The following USP24 variants were observed in gnomAD, a reference collection of about 807,000 sequenced individuals.
USP24 encodes the protein ubiquitin carboxyl-terminal hydrolase 24.
A neutral mutation model predicts 361.6 loss-of-function variants in USP24; 97 were observed. The observed-to-expected ratio is 0.27, with a 90% CI of 0.23 to 0.32. The LOEUF (loss-of-function observed/expected upper bound fraction) is 0.32. Ranked by LOEUF, USP24 falls within the 10% of genes least tolerant of loss-of-function variation. The pLI, the probability that USP24 is intolerant of heterozygous loss-of-function variation, is 1.00. For synonymous variants in USP24, 1,098 were observed against 1,124.6 expected, an observed-to-expected ratio of 0.98 and a Z score of 0.47; for missense variants, 2,353 against 3,165.6, an observed-to-expected ratio of 0.74 and a Z score of 6.16.
At chr1:55,177,938 C>T (rs1245537108) in intron 2 of USP24, 29 bp downstream of exon 2, 3 of 1,540,012 alleles carry the variant, frequency 1.9e-6, no homozygotes, top group Non-Finnish European at 2.6e-6. Flanking sequence ...AACAAATGTC[C>T]TCATGTGTTC....
At chr1:55,099,718 C>A in intron 45 of USP24, 53 bp downstream of exon 45, 2 of 1,292,526 alleles carry the variant, frequency 1.5e-6, no homozygotes, top group South Asian at 2.6e-5. Context: ...ACACTATTCT[C>A]ATACTATAAT....
At chr1:55,156,353 A>G (rs545850360) in intron 12 of USP24, among the ~76,000 whole-genome samples, 3 of 152,150 alleles carry the variant, frequency 2.0e-5, no homozygotes, top group Non-Finnish European at 2.9e-5. Flanking sequence ...AAACCAATAC[A>G]GTGAGAAAAG....
chr1:55,132,667 A>G lies in USP24; in HGVS notation c.3415T>C (p.Ser1139Pro). 4 of 1,613,606 alleles carry G rather than the reference A, an allele frequency of 2.5e-6. No individual in the cohort carries two copies. The highest frequency in any genetic ancestry group is 3.4e-6 in the Non-Finnish European group (4 of 1,179,716). The change falls in exon 31 of 68, where the codon TCA becomes CCA. Residue 1139 changes from serine to proline, a missense_variant. By Grantham distance (74) the Ser-to-Pro change is moderately conservative. This residue lies in a region of USP24 where 949 missense variants were observed against 1,280.5 expected (regional missense o/e 0.74). Coordinates refer to ENST00000294383, the MANE Select transcript of USP24 (RefSeq NM_015306.3). ...TLLSESSSQSSKSPSLSSKQQ... is the reference protein window; with the variant it reads ...TLLSESSSQSPKSPSLSSKQQ... ...TTTGATGACAGGGATGGAGATTTTGAGGACTGAGAACTTGATTCAGACAGC... is the reference window on the plus strand; with the variant it reads ...TTTGATGACAGGGATGGAGATTTTGGGGACTGAGAACTTGATTCAGACAGC...
chr1:55,169,566 A>C (rs976090341), intron 5 of USP24, among the ~76,000 whole-genome samples: 2 of 152,202 alleles, frequency 1.3e-5, no homozygotes, highest in African/African-American at 4.8e-5. Flanking sequence ...AGATTTCAAA[A>C]TACAGCCATG....
chr1:55,072,773 A>G lies in USP24; in HGVS notation c.7602+13T>C, dbSNP rs1279697872. 2 of 1,582,530 alleles carry G rather than the reference A, an allele frequency of 1.3e-6. No individual in the cohort carries two copies. Among genetic ancestry groups the G allele is most frequent in the Admixed American group, 1.8e-5 (1 of 54,784 alleles). On this transcript the variant is annotated intron_variant, in intron 65 of 67. Coordinates refer to ENST00000294383, the MANE Select transcript of USP24 (RefSeq NM_015306.3). ...TCCTATGTTACAGCTAGAAAAATTCAATGTTCAGTTACCTTCTTCTGTAGC... is the reference window on the plus strand; with the variant it reads ...TCCTATGTTACAGCTAGAAAAATTCGATGTTCAGTTACCTTCTTCTGTAGC...
chr1:55,088,485 A>G (rs1464232979), intron 55 of USP24, among the ~76,000 whole-genome samples: 1 of 152,222 alleles, frequency 6.6e-6, no homozygotes, highest in Non-Finnish European at 1.5e-5. Context: ...AGGTGTGCAC[A>G]TGTAGAGAGA....
At position 55,146,910 on chromosome 1, in the gene USP24, C is replaced by A; in HGVS notation, c.2250+19G>T. The A allele has an allele frequency of 6.2e-7, 1 of 1,609,902 alleles. No homozygotes were observed. The highest frequency in any genetic ancestry group is 1.1e-5 in the South Asian group (1 of 90,766). On this transcript the variant is annotated intron_variant, in intron 19 of 67. Coordinates refer to ENST00000294383, the MANE Select transcript of USP24 (RefSeq NM_015306.3). ...TTAAATATTTCTGCCTTACTTTATCCACAATACCACCTTCTTACCTCTCTA... is the reference window on the plus strand; with the variant it reads ...TTAAATATTTCTGCCTTACTTTATCAACAATACCACCTTCTTACCTCTCTA...
At chr1:55,106,375 A>C in intron 40 of USP24, 112 bp from the exon 41 acceptor site, 1 of 739,008 alleles carries the variant, frequency 1.4e-6, no homozygotes, top group South Asian at 1.8e-5. Flanking sequence ...ACCCAATAGC[A>C]GAGCATTTAG....
chr1:55,154,864 G>A, intron 12 of USP24, 86 bp from the exon 13 acceptor site: 3 of 943,012 alleles, frequency 3.2e-6, no homozygotes, highest in Non-Finnish European at 4.9e-6. Flanking sequence ...AGAAGCACAA[G>A]CAAAAATATA....
intron 8 of USP24, 107 bp from the exon 9 acceptor site, chr1:55,159,792 A>G: frequency 9.3e-7 from 1 of 1,072,862 alleles, no homozygotes; most frequent in Non-Finnish European, 1.3e-6. Flanking sequence ...CAATGAAAAG[A>G]TAAAAATTTT....
Position 55,121,510 on chromosome 1 carries a change from A to G in USP24, c.4277-4T>C, listed in dbSNP as rs779968045. The G allele has an allele frequency of 2.9e-5, 46 of 1,612,444 alleles. No homozygotes were observed. Among genetic ancestry groups the G allele is most frequent in the Non-Finnish European group, 3.6e-5 (42 of 1,179,192 alleles). On this transcript the variant is annotated splice_polypyrimidine_tract_variant and splice_region_variant and intron_variant, in intron 36 of 67. Coordinates refer to ENST00000294383, the MANE Select transcript of USP24 (RefSeq NM_015306.3). Reference sequence around the variant, plus strand: ...CAGGGCAAGTTATAGAAAGATGCTAATAAGAAGAAATGGGGGATGTGGGTG... The same window carrying G: ...CAGGGCAAGTTATAGAAAGATGCTAGTAAGAAGAAATGGGGGATGTGGGTG...
chr1:55,137,577 A>T lies in USP24; in HGVS notation c.3139T>A (p.Ser1047Thr). The change falls in exon 28 of 68, where the codon TCT becomes ACT. Residue 1047 changes from serine to threonine, a missense_variant. Ser to Thr is a moderately conservative substitution (Grantham distance 58). Transcript: ENST00000294383. ...CTGCTGCTGCTGGAGCTGGTTGAAGAATCTGCTGAACTCCCAGATGGGGTC... is the reference window on the plus strand; with the variant it reads ...CTGCTGCTGCTGGAGCTGGTTGAAGTATCTGCTGAACTCCCAGATGGGGTC... ...SGTPSGSSADSSTSSSSSSSG... is the reference protein window; with the variant it reads ...SGTPSGSSADTSTSSSSSSSG... 1 of 1,613,450 alleles carries T rather than the reference A, an allele frequency of 6.2e-7. No individual in the cohort carries two copies. Among genetic ancestry groups the T allele is most frequent in the Non-Finnish European group, 8.5e-7 (1 of 1,179,682 alleles).
At chr1:55,082,040 A>C (rs754177861) in intron 58 of USP24, among the ~76,000 whole-genome samples, 7 of 152,250 alleles carry the variant, frequency 4.6e-5, no homozygotes, top group Non-Finnish European at 7.3e-5. Flanking sequence ...GTATCCACAC[A>C]CAGAGCACGT....
intron 39 of USP24, among the ~76,000 whole-genome samples, chr1:55,107,643 A>C (rs917144883): frequency 5.9e-5 from 9 of 151,912 alleles, no homozygotes; most frequent in African/African-American, 2.2e-4. Flanking sequence ...GGAGTTCGAG[A>C]CCAGCCTGGC....
chr1:55,093,875 A>C, intron 52 of USP24, 62 bp downstream of exon 52: 11 of 1,598,426 alleles, frequency 6.9e-6, no homozygotes, highest in Non-Finnish European at 8.5e-6. Context: ...TTCTGGACCT[A>C]CTAGATACAT....
At position 55,085,957 on chromosome 1, in the gene USP24, C is replaced by A; in HGVS notation, c.6750G>T (p.Leu2250Phe). The A allele has an allele frequency of 6.2e-7, 1 of 1,613,846 alleles. No individual in the cohort carries two copies. Among genetic ancestry groups the A allele is most frequent in the Non-Finnish European group, 8.5e-7 (1 of 1,179,792 alleles). ...TGAGACCGACCTTATCCTGATAAAA[C>A]AAGGCACTGTCTAGGGTTTTCTCCA... ...TILEKTLDSA[L>F]FYQDKLKSLH... Residue 2250 changes from leucine (L) to phenylalanine (F), a missense_variant, in exon 56 of 68, where the codon TTG (leucine) becomes TTT (phenylalanine). Transcript: ENST00000294383.
chr1:55,143,848 ACAGGAGGCCACTGGCTGTCCCTAGAT>A (rs1300655162), intron 21 of USP24, among the ~76,000 whole-genome samples: 16 of 152,114 alleles, frequency 1.1e-4, no homozygotes, highest in Non-Finnish European at 1.2e-4. Context: ...TCATGTGGCC[ACAGGAGGCCACTGGCTGTCCCTAGAT>A]CAGCCAGAAA....
At position 55,154,578 on chromosome 1, in the gene USP24, A is replaced by G. The variant is rs924704195; in HGVS notation, c.1554+93T>C. On this transcript the variant is annotated intron_variant, in intron 13 of 67. Coordinates refer to ENST00000294383, the MANE Select transcript of USP24 (RefSeq NM_015306.3). ...CAACGTAAGAAAAGTACATTTAAAT[A>G]CTGCTAACTGGTGGGGAGGAGGGGT... 3 of 1,445,960 alleles carry G rather than the reference A, an allele frequency of 2.1e-6. No homozygotes were observed. In the East Asian group the frequency reaches 7.2e-5, roughly 35 times the overall value. The allele number at this position is 1,445,960 out of a possible 1,614,324, so 89.6% of individuals were successfully genotyped here.
chr1:55,177,493 T>C (rs1454803329), intron 2 of USP24, among the ~76,000 whole-genome samples: 2 of 151,796 alleles, frequency 1.3e-5, no homozygotes, highest in Admixed American at 1.3e-4. Flanking sequence ...CTGAATTCAA[T>C]ATGAAAAAAT....
Sources: allele counts gnomAD v4.1 joint callset (sites outside exome capture counted in the v4.1 genomes callset), GRCh38; gene constraint gnomAD v4.1.1; regional missense constraint gnomAD v4.1.1; transcripts MANE v1.5; gene names NCBI Gene and HGNC (gene_info 2026-07-23, HGNC 2026-07-21).